VPS4A: variants seen among roughly 807,000 people sequenced by gnomAD.
The protein encoded by VPS4A is vacuolar protein sorting 4 homolog A.
Under a neutral mutation model 52.3 loss-of-function variants are expected in VPS4A, and 20 were observed. The ratio of observed to expected loss-of-function variants is 0.38; its 90% confidence interval spans 0.27 to 0.56. VPS4A has a LOEUF of 0.56. Ranked by LOEUF, VPS4A falls within the 20% of genes least tolerant of loss-of-function variation. The pLI is 0.72. For synonymous variants in VPS4A, 293 were observed against 227.7 expected (o/e 1.29, Z -2.58); for missense variants, 419 against 575.9 (o/e 0.73, Z 2.79).
chr16:69,322,732 T>C, intron 10 of VPS4A, 32 bp downstream of exon 10: 1 of 1,583,686 alleles, frequency 6.3e-7, no homozygotes, highest in Non-Finnish European at 8.6e-7. Flanking sequence ...GGAAGAGGGC[T>C]GCACAGAGCC....
Position 69,316,015 on chromosome 16 carries a change from T to A in VPS4A, c.29T>A (p.Ile10Asn). MTTSTLQKA[I>N]DLVTKATEED... Reference sequence around the variant, plus strand: ...TTTGCTTTGCCTTTCCAGAAAGCCATTGATCTGGTGACGAAAGCCACAGAG... The same window carrying A: ...TTTGCTTTGCCTTTCCAGAAAGCCAATGATCTGGTGACGAAAGCCACAGAG... The change falls in exon 2 of 11, where the codon ATT becomes AAT. Residue 10 changes from isoleucine to asparagine, a missense_variant. By Grantham distance (149) the Ile-to-Asn change is moderately radical. This residue lies in a region of VPS4A where 131 missense variants were observed against 165.4 expected (regional missense o/e 0.79). Transcript: ENST00000254950. 1.2e-6 allele frequency: 2 copies of A among 1,613,484 alleles called. No homozygotes were observed. The highest frequency in any genetic ancestry group is 1.7e-6 in the Non-Finnish European group (2 of 1,179,864).
rs1345534909 is a variant in VPS4A at position 69,320,343 on chromosome 16, T to C, written c.769+54T>C. The C allele has an allele frequency of 9.4e-6, 15 of 1,594,246 alleles. No individual in the cohort carries two copies. In the East Asian group the frequency reaches 2.7e-4, roughly 29 times the overall value. On this transcript the variant is annotated intron_variant, in intron 7 of 10. Coordinates refer to ENST00000254950, the MANE Select transcript of VPS4A (RefSeq NM_013245.3). This position sits in a 1 kb window ranked among gnomAD's most constrained non-coding sequence, Gnocchi z 4.2. Reference sequence around the variant, plus strand: ...TTCTTGTTGCACCTGAAGCCAACCCTGGGCTTTATTCTGAGCTGCGGCTGG... The same window carrying C: ...TTCTTGTTGCACCTGAAGCCAACCCCGGGCTTTATTCTGAGCTGCGGCTGG...
chr16:69,319,896 G>GT (rs1051659708), intron 6 of VPS4A, among the ~76,000 whole-genome samples: 59 of 152,326 alleles, frequency 3.9e-4, no homozygotes, highest in Non-Finnish European at 7.5e-4. Context: ...CTGACGTGTT[G>GT]TAAGTGCAGA....
At chr16:69,312,657 G>C (rs1285415922) in intron 1 of VPS4A, among the ~76,000 whole-genome samples, 1 of 152,278 alleles carries the variant, frequency 6.6e-6, no homozygotes, top group South Asian at 2.1e-4. Context: ...CTGTCACCCA[G>C]ACTGGAGTGC....
intron 5 of VPS4A, among the ~76,000 whole-genome samples, chr16:69,319,165 C>A (rs1965477752): frequency 6.7e-6 from 1 of 150,158 alleles, no homozygotes; most frequent in Non-Finnish European, 1.5e-5. Flanking sequence ...CAGCCGGTGT[C>A]ACTGTGCAAG....
chr16:69,322,692 G>A lies in VPS4A; in HGVS notation c.1204G>A (p.Val402Ile). 1 of 1,613,210 alleles carries A rather than the reference G, an allele frequency of 6.2e-7. No homozygotes were observed. Among genetic ancestry groups the A allele is most frequent in the Non-Finnish European group, 8.5e-7 (1 of 1,179,438 alleles). The part of the protein sequence containing the change: ...VPGDKLLEPV[V>I]CMSDMLRSLA... ...TGGGGACAAACTCTTAGAGCCTGTG[G>A]TTTGCATGGTAAGTGACTTGACAGG... The change falls in exon 10 of 11, where the codon GTT becomes ATT. Residue 402 changes from valine (V) to isoleucine (I), a missense_variant. Val to Ile is a conservative substitution (Grantham distance 29). Around this residue, in one of 3 missense-constraint regions of VPS4A, gnomAD observed 185 missense variants for 200.2 expected, o/e 0.92. Coordinates refer to ENST00000254950, the MANE Select transcript of VPS4A (RefSeq NM_013245.3).
rs761190831 is a variant in VPS4A at position 69,320,817 on chromosome 16, T to C, written c.851+48T>C. 6.4e-6 allele frequency: 10 copies of C among 1,550,492 alleles called. No homozygotes were observed. The highest frequency in any genetic ancestry group is 1.9e-5 in the Admixed American group (1 of 52,660). ...CAGGGCTGGAGGCTTCCTCCCACCA[T>C]GGTCACGGTCCGCCTGCTGCTGGCA... On this transcript the variant is annotated intron_variant, in intron 8 of 10. Coordinates refer to ENST00000254950, the MANE Select transcript of VPS4A (RefSeq NM_013245.3). This position sits in a 1 kb window ranked among gnomAD's most constrained non-coding sequence, Gnocchi z 4.2.
chr16:69,314,961 G>A (rs983241816), intron 1 of VPS4A, among the ~76,000 whole-genome samples: 2 of 152,038 alleles, frequency 1.3e-5, no homozygotes, highest in South Asian at 2.1e-4. Context: ...CTGACCGGTC[G>A]CGGTGGCTCA....
intron 10 of VPS4A, 38 bp from the exon 11 acceptor site, chr16:69,324,170 C>T (rs1965553242): frequency 6.3e-7 from 1 of 1,598,912 alleles, no homozygotes; most frequent in Middle Eastern, 1.7e-4. Flanking sequence ...GGACCTGGAG[C>T]CTGGCTCCTG....
intron 10 of VPS4A, chr16:69,323,625 C>T: frequency 2.2e-6 from 1 of 456,040 alleles, no homozygotes; most frequent in Non-Finnish European, 4.4e-6. Context: ...CAAGGGTCTG[C>T]CCTTGTGGCT....
rs775651848 is a variant in VPS4A at position 69,325,215 on chromosome 16, C to T, written c.*906C>T. 1 of 152,276 alleles carries T rather than the reference C, an allele frequency of 6.6e-6. No individual in the cohort carries two copies. Among genetic ancestry groups the T allele is most frequent in the Non-Finnish European group, 1.5e-5 (1 of 68,096 alleles). The allele number at this position is 152,276 out of a possible 1,614,324, so 9.4% of individuals were successfully genotyped here. On this transcript the variant is annotated 3_prime_UTR_variant, in exon 11 of 11. Transcript: ENST00000254950. ...TCCAGTCAGGTGTGCAAGGCCTCCT[C>T]CCCTTAAGGCCTCAGAAGTTTGGCT...
In VPS4A at chr16:69,320,372, TG is replaced by T; in HGVS notation, c.769+85del. On this transcript the variant is annotated intron_variant, in intron 7 of 10. Transcript: ENST00000254950. The surrounding 1 kb of genome is among the most constrained non-coding windows in gnomAD (Gnocchi z 4.2). ...CTTTATTCTGAGCTGCGGCTGGATT[TG>T]GTTGTTCTCAGCCTCGGAGAGGCAC... The T allele has an allele frequency of 6.4e-7, 1 of 1,559,556 alleles. No homozygotes were observed. Among genetic ancestry groups the T allele is most frequent in the Admixed American group, 1.8e-5 (1 of 56,040 alleles).
chr16:69,316,349 A>G lies in VPS4A; in HGVS notation c.258A>G (p.Lys86=). ...SKEKHGKKPV[K]ENQSEGKGSD... The stretch of plus-strand genomic sequence containing the variant: ...AGAAACACGGCAAGAAGCCAGTCAA[A>G]GAGAACCAGAGTGAGGGCAAGGGGT... Residue 86 remains lysine, a synonymous_variant, in exon 3 of 11, where the codon AAA becomes AAG. Coordinates refer to ENST00000254950, the MANE Select transcript of VPS4A (RefSeq NM_013245.3). 2 of 1,613,840 alleles carry G rather than the reference A, an allele frequency of 1.2e-6. No individual in the cohort carries two copies. The highest frequency in any genetic ancestry group is 1.7e-6 in the Non-Finnish European group (2 of 1,179,848).
chr16:69,323,684 TC>T (rs1470646902), intron 10 of VPS4A: 4 of 454,770 alleles, frequency 8.8e-6, no homozygotes, highest in Non-Finnish European at 1.8e-5. Flanking sequence ...GCGCCGTGGC[TC>T]CCGCCTGTAA....
chr16:69,322,906 A>G, intron 10 of VPS4A: 1 of 407,848 alleles, frequency 2.5e-6, no homozygotes, highest in Non-Finnish European at 4.1e-6. Flanking sequence ...TGTCTCTACT[A>G]AAAATACAAA....
At chr16:69,319,965 G>A (rs74465837) in intron 6 of VPS4A, among the ~76,000 whole-genome samples, 176 bp from the exon 7 acceptor site, 3,864 of 152,302 alleles carry the variant, frequency 0.025, 172 homozygotes, top group African/African-American at 0.087. Context: ...ACCAAGGTGT[G>A]CTCCTCCTCT....
At position 69,319,867 on chromosome 16, in the gene VPS4A, C is replaced by T. The variant is rs142224878; in HGVS notation, c.621-274C>T. 3.7e-3 allele frequency among the ~76,000 whole-genome samples: 559 copies of T among 152,266 alleles called. 27 individuals are homozygous for T. The South Asian group carries it at 0.091, about 25-fold the overall frequency. The stretch of plus-strand genomic sequence containing the variant: ...GACTCCTGTTTTGCGTGTGATGAGA[C>T]GGGCTCGGAAGAAGGGGACTGACGT... On this transcript the variant is annotated intron_variant, in intron 6 of 10. Transcript: ENST00000254950.
rs1965374675 is a variant in VPS4A at position 69,311,398 on chromosome 16, G to A, written c.-114G>A. 3.5e-6 allele frequency: 4 copies of A among 1,156,076 alleles called. No individual in the cohort carries two copies. Among genetic ancestry groups the A allele is most frequent in the African/African-American group, 1.6e-5 (1 of 61,822 alleles). 71.6% of individuals were successfully genotyped at this position (1,156,076 alleles called of 1,614,324 possible). A position where few individuals can be genotyped will look rare whatever the true frequency, so the allele number is the denominator to read the frequency against. The stretch of plus-strand genomic sequence containing the variant: ...CGAGCGGCCGCCCTGCCCGCGCACC[G>A]CGCTCAGCGCCCACCGCCGGGCTTC... On this transcript the variant is annotated 5_prime_UTR_variant, in exon 1 of 11. Transcript: ENST00000254950.
chr16:69,316,255 G>C lies in VPS4A; in HGVS notation c.164G>C (p.Ser55Thr). 6.2e-7 allele frequency: 1 copy of C among 1,613,754 alleles called. No individual in the cohort carries two copies. Residue 55 changes from serine to threonine, a missense_variant, in exon 3 of 11, where the codon AGC (serine) becomes ACC (threonine). This residue lies in a region of VPS4A where 131 missense variants were observed against 165.4 expected (regional missense o/e 0.79). Coordinates refer to ENST00000254950, the MANE Select transcript of VPS4A (RefSeq NM_013245.3). ...GCCCACAGCGACAAGGCCAAGGAGA[G>C]CATTCGAGCCAAGTGCGTGCAGTAC... is the stretch of plus-strand genomic sequence containing the variant. ...YEAHSDKAKE[S>T]IRAKCVQYLD...
Sources: gnomAD v4.1 joint callset for allele counts (sites outside exome capture counted in the v4.1 genomes callset) on GRCh38, gnomAD v4.1.1 for gene constraint, gnomAD v4.1.1 regional missense constraint, Gnocchi (gnomAD v3.1) non-coding constraint, MANE v1.5 for transcripts, NCBI Gene and HGNC (gene_info 2026-07-23, HGNC 2026-07-21) for gene names.